MEIS2: variants seen among roughly 807,000 people sequenced by gnomAD.
The protein encoded by MEIS2 is homeobox protein Meis2.
MEIS2 carries 9 observed loss-of-function variants against 58.6 expected under a neutral mutation model. The ratio of observed to expected loss-of-function variants is 0.15; its 90% CI spans 0.09 to 0.27. MEIS2 has a LOEUF of 0.27. Among genes scored for constraint, MEIS2 ranks in the 10% least tolerant of loss-of-function variants. The pLI is 1.00. For synonymous variants in MEIS2, 221 were observed against 228.4 expected (o/e 0.97, Z 0.29); for missense variants, 427 against 635.0 (o/e 0.67, Z 3.52).
At chr15:36,944,647 T>C (rs1437293010) in intron 9 of MEIS2, among the ~76,000 whole-genome samples, 1 of 152,086 alleles carries the variant, frequency 6.6e-6, no homozygotes, top group African/African-American at 2.4e-5. Flanking sequence ...TTCAGCACAT[T>C]AAATGCTGAC....
intron 8 of MEIS2, among the ~76,000 whole-genome samples, chr15:36,986,925 A>C (rs769804452): frequency 1.3e-4 from 20 of 152,200 alleles, no homozygotes; most frequent in African/African-American, 2.4e-4. Context: ...CTTTCACAAA[A>C]TATCTGTGAG....
At chr15:37,059,913 C>T (rs1030789013) in intron 7 of MEIS2, among the ~76,000 whole-genome samples, 2 of 139,698 alleles carry the variant, frequency 1.4e-5, no homozygotes, top group Non-Finnish European at 3.1e-5. Flanking sequence ...TGCACTCCAG[C>T]GAGAGTCTGT....
intron 7 of MEIS2, among the ~76,000 whole-genome samples, chr15:37,044,396 T>C (rs1595998511): frequency 6.6e-6 from 1 of 152,220 alleles, no homozygotes; most frequent in African/African-American, 2.4e-5. Context: ...CTCATAATTT[T>C]TGCACAGATG....
At chr15:37,000,668 G>C (rs569367788) in intron 8 of MEIS2, among the ~76,000 whole-genome samples, 6 of 152,120 alleles carry the variant, frequency 3.9e-5, no homozygotes, top group Admixed American at 1.3e-4. Flanking sequence ...GTGTGCCTTT[G>C]ATTTTCCCCC....
At chr15:36,915,485 T>G (rs113532980) in intron 9 of MEIS2, among the ~76,000 whole-genome samples, 2,576 of 152,232 alleles carry the variant, frequency 0.017, 88 homozygotes, top group African/African-American at 0.059. Flanking sequence ...GAAGGAAAAT[T>G]TATTGTTCTT....
At chr15:36,989,784 G>C (rs1176929190) in intron 8 of MEIS2, among the ~76,000 whole-genome samples, 1 of 152,166 alleles carries the variant, frequency 6.6e-6, no homozygotes, top group African/African-American at 2.4e-5. Flanking sequence ...CACTTATTTG[G>C]CAGTTGCCAG....
At chr15:37,038,966 C>A (rs1159917003) in intron 7 of MEIS2, among the ~76,000 whole-genome samples, 3 of 152,198 alleles carry the variant, frequency 2.0e-5, no homozygotes, top group African/African-American at 7.2e-5. Flanking sequence ...GCATTTTAAC[C>A]TGGGTGGATG....
chr15:37,029,597 A>T (rs1397721424), intron 8 of MEIS2, among the ~76,000 whole-genome samples: 5 of 152,134 alleles, frequency 3.3e-5, no homozygotes, highest in Non-Finnish European at 5.9e-5. Context: ...GTAGCACTAC[A>T]TCTCTAACCC....
intron 8 of MEIS2, among the ~76,000 whole-genome samples, chr15:36,956,821 A>C (rs9920934): frequency 0.41 from 61,577 of 149,292 alleles, 13,239 homozygotes; most frequent in Non-Finnish European, 0.48. Flanking sequence ...ATAAACATAG[A>C]CCGATTTGGA....
At chr15:36,950,222 C>T (rs555839781) in intron 9 of MEIS2, 102 bp downstream of exon 9, 13 of 1,051,712 alleles carry the variant, frequency 1.2e-5, no homozygotes, top group South Asian at 9.3e-5. Context: ...TTATCCTCCT[C>T]GATTTCATTT....
At chr15:36,964,828 G>A (rs564608739) in intron 8 of MEIS2, among the ~76,000 whole-genome samples, 2 of 152,300 alleles carry the variant, frequency 1.3e-5, no homozygotes, top group Non-Finnish European at 2.9e-5. Context: ...TTCAGGTGGA[G>A]CTCTGGGAAA....
chr15:36,995,890 T>C (rs2060476300), intron 8 of MEIS2, among the ~76,000 whole-genome samples: 1 of 146,184 alleles, frequency 6.8e-6, no homozygotes, highest in South Asian at 2.1e-4. Flanking sequence ...TTATTATTTT[T>C]CATTATCCAT....
chr15:36,921,921 T>TTTCC (rs1354686083), intron 9 of MEIS2, among the ~76,000 whole-genome samples: 1 of 152,222 alleles, frequency 6.6e-6, no homozygotes, highest in Non-Finnish European at 1.5e-5. Context: ...GGCTTCCGTG[T>TTTCC]GGGAAATCTC....
intron 2 of MEIS2, among the ~76,000 whole-genome samples, chr15:37,097,682 C>G (rs1314648783): frequency 2.6e-5 from 4 of 152,206 alleles, no homozygotes; most frequent in Non-Finnish European, 5.9e-5. Context: ...GGAATCCTGT[C>G]CTCGGGGAGA....
Position 36,894,844 on chromosome 15 carries a change from G to A in MEIS2, c.1147+307C>T, listed in dbSNP as rs369884520. ...AGGAGATAAAATCCAAGAAGAGGCCGGAAAATCAGCAATAATTGATGGTGA... is the reference window on the plus strand; with the variant it reads ...AGGAGATAAAATCCAAGAAGAGGCCAGAAAATCAGCAATAATTGATGGTGA... On this transcript the variant is annotated intron_variant, in intron 11 of 11. Transcript: ENST00000561208. 75 of 1,506,252 alleles carry A rather than the reference G, an allele frequency of 5.0e-5. No homozygotes were observed. In the Middle Eastern group the frequency reaches 5.1e-4, roughly 10 times the overall value. 93.3% of individuals were successfully genotyped at this position (1,506,252 alleles called of 1,614,324 possible).
chr15:37,052,401 C>T (rs145166236), intron 7 of MEIS2, among the ~76,000 whole-genome samples: 66 of 152,282 alleles, frequency 4.3e-4, no homozygotes, highest in East Asian at 2.9e-3. Flanking sequence ...TTAAGAAACT[C>T]GCCTAAAGTC....
At chr15:37,031,595 T>C (rs929063706) in intron 8 of MEIS2, among the ~76,000 whole-genome samples, 1 of 152,148 alleles carries the variant, frequency 6.6e-6, no homozygotes, top group Non-Finnish European at 1.5e-5. Flanking sequence ...ATATCCTTTA[T>C]AGCACATTTT....
At chr15:37,002,939 T>TTAATAAATAA (rs1327053959) in intron 8 of MEIS2, among the ~76,000 whole-genome samples, 12 of 152,232 alleles carry the variant, frequency 7.9e-5, no homozygotes, top group African/African-American at 2.9e-4. Flanking sequence ...TTAAGTGCAC[T>TTAATAAATAA]GTTTTTATCA....
intron 9 of MEIS2, among the ~76,000 whole-genome samples, chr15:36,912,974 G>A (rs1018232898): frequency 7.2e-5 from 11 of 152,080 alleles, no homozygotes; most frequent in South Asian, 2.1e-4. Context: ...TCCACTGTCC[G>A]CACCTGCCTT....
Sources: gnomAD v4.1 joint callset for allele counts (sites outside exome capture counted in the v4.1 genomes callset) on GRCh38, gnomAD v4.1.1 for gene constraint, MANE v1.5 for transcripts, NCBI Gene and HGNC (gene_info 2026-07-23, HGNC 2026-07-21) for gene names.